MYEF2: variants seen among roughly 807,000 people sequenced by gnomAD.
MYEF2 encodes myelin gene expression factor 2.
In MYEF2, 37 loss-of-function variants were observed where a neutral mutation model predicts 75.2. That is an observed-to-expected ratio of 0.49 (90% CI 0.38 to 0.65). The LOEUF is 0.65. Ranked by LOEUF, MYEF2 falls within the 30% of genes least tolerant of loss-of-function variation. MYEF2 has a pLI of 0.00. For missense variants in MYEF2, 634 were observed against 771.4 expected, an observed-to-expected ratio of 0.82 and a Z score of 2.11; for synonymous variants, 195 against 241.6, an observed-to-expected ratio of 0.81 and a Z score of 1.79.
chr15:48,173,098 CA>C (rs2040399076), intron 1 of MYEF2, among the ~76,000 whole-genome samples: 1 of 152,112 alleles, frequency 6.6e-6, no homozygotes. Flanking sequence ...AAATTCTCAA[CA>C]AAATACTAGC....
In MYEF2 at chr15:48,166,010, CT is replaced by C; in HGVS notation, c.447del (p.Asp150MetfsTer5). 1 of 1,595,940 alleles carries C rather than the reference CT, an allele frequency of 6.3e-7. No homozygotes were observed. The highest frequency in any genetic ancestry group is 8.5e-7 in the Non-Finnish European group (1 of 1,170,660). ...KSRGCGVVEF[K>X]DEEFVKKALE... ...AGGGCTTTCTTTACAAATTCTTCAT[CT>C]TTGAATTCAACCACACTTAATAGGG... is the stretch of plus-strand genomic sequence containing the variant. On this transcript the variant is annotated frameshift_variant, in exon 5 of 17. Coordinates refer to ENST00000324324, the MANE Select transcript of MYEF2 (RefSeq NM_016132.5). LOFTEE classifies it high-confidence loss of function.
intron 1 of MYEF2, among the ~76,000 whole-genome samples, chr15:48,176,219 T>TAAAAAAAA (rs1023560411): frequency 6.3e-5 from 4 of 63,136 alleles, no homozygotes; most frequent in Non-Finnish European, 7.0e-5. Flanking sequence ...GTTCACGAAG[T>TAAAAAAAA]AAAAAAAAAA....
chr15:48,168,892 A>T (rs930400787), intron 1 of MYEF2, 53 bp from the exon 2 acceptor site: 1 of 1,343,502 alleles, frequency 7.4e-7, no homozygotes, highest in East Asian at 2.4e-5. Flanking sequence ...TGCTTATAAG[A>T]ATGGAAGTCT....
intron 1 of MYEF2, among the ~76,000 whole-genome samples, chr15:48,170,517 A>G (rs1402516345): frequency 6.6e-6 from 1 of 152,246 alleles, no homozygotes; most frequent in East Asian, 1.9e-4. Flanking sequence ...CACAAACATT[A>G]CTAATAATAT....
chr15:48,141,094 A>AAAT lies in MYEF2; in HGVS notation c.*1811_*1813dup. ...GTGAATCTTTAAGATTTGTAACTTG[A>AAAT]AATATCTGTTTATTACAGGGGAAAC... On this transcript the variant is annotated 3_prime_UTR_variant, in exon 17 of 17. Transcript: ENST00000324324. 1 of 1,580,200 alleles carries AAAT rather than the reference A, an allele frequency of 6.3e-7. No homozygotes were observed. The highest frequency in any genetic ancestry group is 8.7e-7 in the Non-Finnish European group (1 of 1,152,314).
intron 1 of MYEF2, among the ~76,000 whole-genome samples, chr15:48,171,032 G>A (rs1231864538): frequency 1.3e-5 from 2 of 152,096 alleles, no homozygotes; most frequent in African/African-American, 4.8e-5. Context: ...GCCTAGGGGG[G>A]AGTCTTCTCA....
chr15:48,155,082 C>CA (rs1453216363), intron 9 of MYEF2, among the ~76,000 whole-genome samples: 11 of 151,472 alleles, frequency 7.3e-5, no homozygotes, highest in African/African-American at 2.7e-4. Context: ...CCAAATGAAC[C>CA]AATACATGTG....
chr15:48,135,080 A>C lies in MYEF2; in HGVS notation c.*7828T>G. ...TTCAGAAATGTTATTTCAGTCACTTAATCTGCCACTTCTATACCATATTCC... is the reference window on the plus strand; with the variant it reads ...TTCAGAAATGTTATTTCAGTCACTTCATCTGCCACTTCTATACCATATTCC... On this transcript the variant is annotated 3_prime_UTR_variant, in exon 17 of 17. Coordinates refer to ENST00000324324, the MANE Select transcript of MYEF2 (RefSeq NM_016132.5). 1.2e-6 allele frequency: 1 copy of C among 866,696 alleles called. No homozygotes were observed. Among genetic ancestry groups the C allele is most frequent in the Non-Finnish European group, 1.9e-6 (1 of 538,006 alleles). 53.7% of individuals were successfully genotyped at this position (866,696 alleles called of 1,614,324 possible). A position where few individuals can be genotyped will look rare whatever the true frequency, so the allele number is the denominator to read the frequency against.
intron 5 of MYEF2, among the ~76,000 whole-genome samples, chr15:48,160,422 TG>T (rs1400019251): frequency 6.6e-6 from 1 of 151,840 alleles, no homozygotes; most frequent in African/African-American, 2.4e-5. Flanking sequence ...TATTAAACAT[TG>T]TTTTTTTGTT....
chr15:48,136,078 G>C lies in MYEF2; in HGVS notation c.*6830C>G, dbSNP rs1194649684. ...ACAGGGAAACAGTTCTTGGTTCCAA[G>C]GGTATAATTTTATATTTTAGAACAT... On this transcript the variant is annotated 3_prime_UTR_variant, in exon 17 of 17. Transcript: ENST00000324324. The C allele has an allele frequency of 1.3e-5, 2 of 152,110 alleles. No homozygotes were observed. The highest frequency in any genetic ancestry group is 2.9e-5 in the Non-Finnish European group (2 of 68,004). The allele number at this position is 152,110 out of a possible 1,614,324, so 9.4% of individuals were successfully genotyped here.
rs1249503727 is a variant in MYEF2, at chr15:48,153,707, A to T, written c.1087+85T>A. The T allele has an allele frequency of 5.5e-6, 6 of 1,090,924 alleles. No homozygotes were observed. The Admixed American group carries it at 1.0e-4, about 19-fold the overall frequency. 67.6% of individuals were successfully genotyped at this position (1,090,924 alleles called of 1,614,324 possible). On this transcript the variant is annotated intron_variant, in intron 10 of 16. Transcript: ENST00000324324. ...CTAACTATTAATTAGAGTCCTTTAA[A>T]CATTATTACAGACCACATCAATGGA...
intron 9 of MYEF2, chr15:48,157,683 TATA>T: frequency 1.1e-6 from 1 of 913,804 alleles, no homozygotes; most frequent in Non-Finnish European, 1.3e-6. Flanking sequence ...ACAAAAATGT[TATA>T]ATGAGGTTAC....
rs762269807 is a variant in MYEF2 at position 48,159,817 on chromosome 15, T to C, written c.526-13A>G. The C allele has an allele frequency of 2.7e-5, 44 of 1,600,308 alleles. No individual in the cohort carries two copies. Among genetic ancestry groups the C allele is most frequent in the Non-Finnish European group, 3.2e-5 (37 of 1,174,342 alleles). On this transcript the variant is annotated splice_polypyrimidine_tract_variant and intron_variant, in intron 5 of 16. Transcript: ENST00000324324. ...CTCCATCAGGATCCTATAACACACA[T>C]TGAATGTTAAATTCCACTAAATACA... is the stretch of plus-strand genomic sequence containing the variant.
At position 48,149,464 on chromosome 15, in the gene MYEF2, G is replaced by A; in HGVS notation, c.1379-93C>T. The A allele has an allele frequency of 1.0e-6, 1 of 997,260 alleles. No individual in the cohort carries two copies. The highest frequency in any genetic ancestry group is 2.2e-5 in the Admixed American group (1 of 44,678). 61.8% of individuals were successfully genotyped at this position (997,260 alleles called of 1,614,324 possible). ...AGGAGAAGAGGAGAAAGGAGGAAAAGGAGATAAACATTTTTGAGAAAGAAG... is the reference window on the plus strand; with the variant it reads ...AGGAGAAGAGGAGAAAGGAGGAAAAAGAGATAAACATTTTTGAGAAAGAAG... On this transcript the variant is annotated intron_variant, in intron 14 of 16. Coordinates refer to ENST00000324324, the MANE Select transcript of MYEF2 (RefSeq NM_016132.5). The surrounding 1 kb of genome is among the most constrained non-coding windows in gnomAD (Gnocchi z 4.0).
intron 16 of MYEF2, 90 bp downstream of exon 16, chr15:48,148,942 G>C: frequency 7.5e-7 from 1 of 1,341,274 alleles, no homozygotes; most frequent in Non-Finnish European, 1.1e-6. Flanking sequence ...CATCCGGACA[G>C]GCAAAGGTCT....
chr15:48,142,302 A>G lies in MYEF2; in HGVS notation c.*606T>C, dbSNP rs1253056789. 6.2e-7 allele frequency: 1 copy of G among 1,612,004 alleles called. No homozygotes were observed. The highest frequency in any genetic ancestry group is 1.1e-5 in the South Asian group (1 of 90,852). ...GGGCTTGCTACATTATCAGTTCTATATGAACTTGGAATTATTGGAAATAAT... is the reference window on the plus strand; with the variant it reads ...GGGCTTGCTACATTATCAGTTCTATGTGAACTTGGAATTATTGGAAATAAT... On this transcript the variant is annotated 3_prime_UTR_variant, in exon 17 of 17. Coordinates refer to ENST00000324324, the MANE Select transcript of MYEF2 (RefSeq NM_016132.5).
chr15:48,151,028 A>G, intron 14 of MYEF2, 72 bp downstream of exon 14: 1 of 1,036,610 alleles, frequency 9.6e-7, no homozygotes, highest in Non-Finnish European at 1.4e-6. Flanking sequence ...CTATACTACG[A>G]TAACTACTCT....
chr15:48,177,962 G>A lies in MYEF2; in HGVS notation c.161+115C>T, dbSNP rs1446998024. 8 of 1,354,820 alleles carry A rather than the reference G, an allele frequency of 5.9e-6. No individual in the cohort carries two copies. The Admixed American group carries it at 1.6e-4, about 28-fold the overall frequency. 83.9% of individuals were successfully genotyped at this position (1,354,820 alleles called of 1,614,324 possible). On this transcript the variant is annotated intron_variant, in intron 1 of 16. Transcript: ENST00000324324. ...CTCCTCAGGAAGCCGATGGCCCGGG[G>A]GCGGGCCGGGGTCTGGGGGTGGTTG...
chr15:48,174,179 C>G (rs977298842), intron 1 of MYEF2, among the ~76,000 whole-genome samples: 1 of 152,020 alleles, frequency 6.6e-6, no homozygotes, highest in South Asian at 2.1e-4. Context: ...CTCAAAAACA[C>G]ATCCCCAATA....
Sources: gnomAD v4.1 joint callset for allele counts (sites outside exome capture counted in the v4.1 genomes callset) on GRCh38, gnomAD v4.1.1 for gene constraint, Gnocchi (gnomAD v3.1) non-coding constraint, MANE v1.5 for transcripts, NCBI Gene and HGNC (gene_info 2026-07-23, HGNC 2026-07-21) for gene names.